Variants in SLC22A14 observed in about 807,000 individuals in gnomAD.
The protein encoded by SLC22A14 is solute carrier family 22 member 14.
SLC22A14 carries 50 observed loss-of-function variants against 53.9 expected under a neutral mutation model. The observed-to-expected ratio is 0.93, with a 90% CI of 0.74 to 1.17. The LOEUF is 1.17. Among genes scored for constraint, SLC22A14 ranks in the 50% most tolerant of loss-of-function variants. The pLI is 0.00. For synonymous variants in SLC22A14, 312 were observed against 303.0 expected (o/e 1.03, Z -0.31); for missense variants, 671 against 734.7 (o/e 0.91, Z 1.00).
chr3:38,313,230 T>G (rs1157455398), intron 6 of SLC22A14, 111 bp downstream of exon 6: 7 of 1,494,900 alleles, frequency 4.7e-6, no homozygotes, highest in Non-Finnish European at 6.5e-6. Flanking sequence ...CCCAGTCCAC[T>G]GCTTAAGGAC....
intron 1 of SLC22A14, among the ~76,000 whole-genome samples, chr3:38,304,629 T>A (rs1075786): frequency 6.6e-6 from 1 of 151,914 alleles, no homozygotes; most frequent in South Asian, 2.1e-4. Flanking sequence ...TGGGCTCAAG[T>A]GATCTACCTG....
chr3:38,306,456 A>C lies in SLC22A14; in HGVS notation c.430A>C (p.Ile144Leu), dbSNP rs1385208034. The change falls in exon 2 of 11, where the codon ATC becomes CTC. Residue 144 changes from isoleucine (I) to leucine (L), a missense_variant. Physicochemically the swap from Ile to Leu is conservative, Grantham distance 5. Transcript: ENST00000448498. Reference protein sequence around the residue: ...YLPVPWNLDSIIQFGLNDTDT... With the variant: ...YLPVPWNLDSLIQFGLNDTDT... ...TCCTGTGCCTTGGAATCTGGATTCT[A>C]TCATCCAGTTTGGCCTCAATGACAC... 1 of 1,614,200 alleles carries C rather than the reference A, an allele frequency of 6.2e-7. No homozygotes were observed. The highest frequency in any genetic ancestry group is 8.5e-7 in the Non-Finnish European group (1 of 1,180,034).
upstream of SLC22A14, among the ~76,000 whole-genome samples, chr3:38,279,561 A>G (rs1156843289): frequency 1.3e-5 from 2 of 152,142 alleles, no homozygotes; most frequent in Non-Finnish European, 2.9e-5. Flanking sequence ...GATTACAGGC[A>G]TGAGCCACCA....
chr3:38,311,400 A>T (rs906529678), intron 5 of SLC22A14, among the ~76,000 whole-genome samples: 1 of 152,214 alleles, frequency 6.6e-6, no homozygotes, highest in Admixed American at 6.5e-5. Context: ...TGGCCTCCTT[A>T]TCAAACAGTA....
chr3:38,307,511 G>T lies in SLC22A14; in HGVS notation c.621-55G>T. The T allele has an allele frequency of 6.2e-7, 1 of 1,602,824 alleles. No homozygotes were observed. Among genetic ancestry groups the T allele is most frequent in the African/African-American group, 1.3e-5 (1 of 74,842 alleles). On this transcript the variant is annotated intron_variant, in intron 3 of 10. Coordinates refer to ENST00000448498, the MANE Select transcript of SLC22A14 (RefSeq NM_001320033.2). The surrounding 1 kb of genome is among the most constrained non-coding windows in gnomAD (Gnocchi z 4.4). ...GGGCCTGGCCCAGGTGTATCCGGCT[G>T]GGGCCAGCCCGGGAGATCCCGGCAC...
intron 1 of SLC22A14, among the ~76,000 whole-genome samples, chr3:38,289,308 C>A (rs1389495996): frequency 6.6e-6 from 1 of 151,652 alleles, no homozygotes; most frequent in East Asian, 1.9e-4. Context: ...TGACATGATA[C>A]TATTAACTAA....
In SLC22A14 at chr3:38,307,187, G is replaced by A; in HGVS notation, c.517-67G>A. On this transcript the variant is annotated intron_variant, in intron 2 of 10. Coordinates refer to ENST00000448498, the MANE Select transcript of SLC22A14 (RefSeq NM_001320033.2). The surrounding 1 kb of genome is among the most constrained non-coding windows in gnomAD (Gnocchi z 4.4). ...CCCCTTGGCCTATAGGTCCCACGCT[G>A]GGATGAGTCTCAGTCTCTGGACCCA... 9.1e-7 allele frequency: 1 copy of A among 1,102,920 alleles called. No homozygotes were observed. The highest frequency in any genetic ancestry group is 1.4e-6 in the Non-Finnish European group (1 of 713,166). The allele number at this position is 1,102,920 out of a possible 1,614,324, so 68.3% of individuals were successfully genotyped here.
At chr3:38,295,025 C>T (rs542422619) in intron 1 of SLC22A14, among the ~76,000 whole-genome samples, 1 of 152,294 alleles carries the variant, frequency 6.6e-6, no homozygotes, top group South Asian at 2.1e-4. Flanking sequence ...AACGTTTGAG[C>T]AGACCAATTA....
chr3:38,292,514 A>G (rs1703935841), intron 1 of SLC22A14, among the ~76,000 whole-genome samples: 1 of 152,142 alleles, frequency 6.6e-6, no homozygotes, highest in Non-Finnish European at 1.5e-5. Context: ...CTGTACTCCT[A>G]AAATTGGAGT....
At chr3:38,281,090 G>T (rs1703659494), upstream of SLC22A14, among the ~76,000 whole-genome samples, 3 of 152,150 alleles carry the variant, frequency 2.0e-5, no homozygotes, top group Admixed American at 1.3e-4. Context: ...CTCTAGGGGG[G>T]ATGAGGGGCC....
rs746974172 is a variant in SLC22A14, at chr3:38,306,038, G to A, written c.12G>A (p.Glu4=). ...CTTTCTTTGGACAGATGGCAGGAGA[G>A]GAGAACTTCAAGGAAGAGCTCAGAT... MAG[E]ENFKEELRSQ... The change falls in exon 2 of 11, where the codon GAG becomes GAA. Residue 4 remains glutamate, a synonymous_variant. Transcript: ENST00000448498. The A allele has an allele frequency of 6.2e-6, 10 of 1,611,344 alleles. No individual in the cohort carries two copies. The highest frequency in any genetic ancestry group is 1.3e-5 in the African/African-American group (1 of 74,896).
chr3:38,310,162 G>A (rs1704429285), intron 5 of SLC22A14, among the ~76,000 whole-genome samples: 2 of 152,170 alleles, frequency 1.3e-5, no homozygotes, highest in African/African-American at 2.4e-5. Flanking sequence ...AGGAGCGCTT[G>A]AGGCTAGGAG....
In SLC22A14 at chr3:38,306,516, G is replaced by A. The variant is rs774322699; in HGVS notation, c.490G>A (p.Ala164Thr). 4.3e-6 allele frequency: 7 copies of A among 1,613,666 alleles called. No individual in the cohort carries two copies. Among genetic ancestry groups the A allele is most frequent in the East Asian group, 2.2e-5 (1 of 44,896 alleles). Residue 164 changes from alanine (A) to threonine (T), a missense_variant, in exon 2 of 11, where the codon GCT becomes ACT. Physicochemically the swap from Ala to Thr is moderately conservative, Grantham distance 58. Transcript: ENST00000448498. ...TCQDGWIYPDAKKRSLINEFD... is the reference protein window; with the variant it reads ...TCQDGWIYPDTKKRSLINEFD... ...CCAAGATGGGTGGATCTATCCTGACGCTAAGAAGCGATCGCTGATCAATGA... is the reference window on the plus strand; with the variant it reads ...CCAAGATGGGTGGATCTATCCTGACACTAAGAAGCGATCGCTGATCAATGA...
rs149735987 is a variant in SLC22A14 at position 38,316,471 on chromosome 3, G to A, written c.1680G>A (p.Pro560=). 4.6e-4 allele frequency: 748 copies of A among 1,614,134 alleles called. 2 individuals carry two copies. The African/African-American group carries it at 7.4e-3, about 16-fold the overall frequency. Residue 560 remains proline, a synonymous_variant, in exon 10 of 11, where the codon CCG becomes CCA. Coordinates refer to ENST00000448498, the MANE Select transcript of SLC22A14 (RefSeq NM_001320033.2). ...CCTTTTCCCTCTCCTCCCTGCTGCC[G>A]GAAACGCGAGATCAGCCCCTCTCCG... ...IVAFSLSSLL[P]ETRDQPLSES...
intron 10 of SLC22A14, among the ~76,000 whole-genome samples, chr3:38,316,909 C>G (rs1369325948): frequency 8.5e-5 from 13 of 152,340 alleles, no homozygotes; most frequent in Admixed American, 2.0e-4. Flanking sequence ...CTTTTCCTGT[C>G]TGAACTCCTA....
At chr3:38,294,243 C>T (rs893380372) in intron 1 of SLC22A14, among the ~76,000 whole-genome samples, 2 of 151,990 alleles carry the variant, frequency 1.3e-5, no homozygotes, top group Non-Finnish European at 2.9e-5. Context: ...AAGTAGACTC[C>T]GAGGGCTTCC....
intron 1 of SLC22A14, 89 bp downstream of exon 1, chr3:38,282,428 A>G (rs1286421771): frequency 6.6e-6 from 1 of 152,054 alleles, no homozygotes; most frequent in Non-Finnish European, 1.5e-5. Flanking sequence ...ACCCCTGGCA[A>G]TTTTGCGGCC....
At chr3:38,298,593 T>A (rs558290600) in intron 1 of SLC22A14, among the ~76,000 whole-genome samples, 3 of 152,298 alleles carry the variant, frequency 2.0e-5, no homozygotes, top group Admixed American at 2.0e-4. Context: ...AGACGGAGTC[T>A]TGCTCTGTCA....
At position 38,313,381 on chromosome 3, in the gene SLC22A14, T is replaced by A. The variant is rs774134116; in HGVS notation, c.1066-7T>A. The A allele has an allele frequency of 1.2e-6, 2 of 1,609,602 alleles. No homozygotes were observed. Among genetic ancestry groups the A allele is most frequent in the South Asian group, 1.1e-5 (1 of 91,002 alleles). ...CCTGCCTCTGACTGGTCCTGCTTGT[T>A]CTGTAGCTGCAGCTGCCCAGAAAGA... On this transcript the variant is annotated splice_region_variant and splice_polypyrimidine_tract_variant and intron_variant, in intron 6 of 10. Transcript: ENST00000448498.
Sources: allele counts gnomAD v4.1 joint callset (sites outside exome capture counted in the v4.1 genomes callset), GRCh38; gene constraint gnomAD v4.1.1; non-coding constraint Gnocchi (gnomAD v3.1); transcripts MANE v1.5; gene names NCBI Gene and HGNC (gene_info 2026-07-23, HGNC 2026-07-21).